ADAMTS3: variants seen among roughly 807,000 people sequenced by gnomAD.
The protein encoded by ADAMTS3 is A disintegrin and metalloproteinase with thrombospondin motifs 3.
A neutral mutation model predicts 129.0 loss-of-function variants in ADAMTS3; 73 were observed. The ratio of observed to expected loss-of-function variants is 0.57; its 90% CI spans 0.47 to 0.69. The LOEUF (loss-of-function observed/expected upper bound fraction) is 0.69. Among genes scored for constraint, ADAMTS3 ranks in the 30% least tolerant of loss-of-function variants. ADAMTS3 has a pLI of 0.00. For missense variants in ADAMTS3, 1,457 were observed against 1,514.5 expected (o/e 0.96, Z 0.63); for synonymous variants, 477 against 510.8 (o/e 0.93, Z 0.89).
At chr4:72,369,883 C>T (rs1489850591) in intron 4 of ADAMTS3, among the ~76,000 whole-genome samples, 1 of 151,580 alleles carries the variant, frequency 6.6e-6, no homozygotes, top group Non-Finnish European at 1.5e-5. Flanking sequence ...GGGGTATATG[C>T]ATATAAACCG....
chr4:72,301,545 T>C (rs1345510197), intron 17 of ADAMTS3, among the ~76,000 whole-genome samples: 1 of 152,068 alleles, frequency 6.6e-6, no homozygotes, highest in African/African-American at 2.4e-5. Context: ...TTGACTTAAG[T>C]ATAATATTTT....
At chr4:72,485,756 T>C (rs1719574119) in intron 3 of ADAMTS3, among the ~76,000 whole-genome samples, 1 of 152,164 alleles carries the variant, frequency 6.6e-6, no homozygotes, top group Non-Finnish European at 1.5e-5. Flanking sequence ...AATTCATACG[T>C]TGAAACCTAA....
Position 72,283,302 on chromosome 4 carries a change from G to A in ADAMTS3, c.3452C>T (p.Pro1151Leu), listed in dbSNP as rs1156555953. The A allele has an allele frequency of 1.2e-6, 2 of 1,613,946 alleles. No individual in the cohort carries two copies. The highest frequency in any genetic ancestry group is 1.1e-5 in the South Asian group (1 of 91,074). ...ACTGAGGTGGACCCTCTTGGTGGGT[G>A]GGGAGGATGGTACGGTGACCAGTCT... is the stretch of plus-strand genomic sequence containing the variant. ...TVRLVTVPSS[P>L]PTKRVHLSSA... Residue 1151 changes from proline to leucine, a missense_variant, in exon 22 of 22, where the codon CCA becomes CTA. By Grantham distance (98) the Pro-to-Leu change is moderately conservative. Transcript: ENST00000286657.
intron 3 of ADAMTS3, among the ~76,000 whole-genome samples, chr4:72,437,768 C>A (rs1457790763): frequency 1.3e-5 from 2 of 151,730 alleles, no homozygotes; most frequent in African/African-American, 4.8e-5. Flanking sequence ...AATTCAGACC[C>A]ATAAAGTAAA....
intron 10 of ADAMTS3, among the ~76,000 whole-genome samples, chr4:72,317,662 C>T (rs1439821239): frequency 6.6e-6 from 1 of 152,052 alleles, no homozygotes; most frequent in Non-Finnish European, 1.5e-5. Context: ...CAGATACATA[C>T]TATCATTATC....
At chr4:72,429,287 G>A (rs72852066) in intron 3 of ADAMTS3, among the ~76,000 whole-genome samples, 29 of 152,026 alleles carry the variant, frequency 1.9e-4, no homozygotes, top group African/African-American at 6.8e-4. Flanking sequence ...ATAGTCATCT[G>A]CTAAAGATAT....
chr4:72,355,878 C>G (rs1044113409), intron 4 of ADAMTS3, among the ~76,000 whole-genome samples: 4 of 152,026 alleles, frequency 2.6e-5, no homozygotes, highest in Non-Finnish European at 5.9e-5. Context: ...CATAGTACAG[C>G]TATACTCATA....
intron 4 of ADAMTS3, among the ~76,000 whole-genome samples, chr4:72,340,992 G>C (rs1720121994): frequency 6.6e-6 from 1 of 152,116 alleles, no homozygotes; most frequent in Non-Finnish European, 1.5e-5. Flanking sequence ...TTTATATGAT[G>C]GTTTATTTCA....
chr4:72,518,504 T>C (rs1720561140), intron 3 of ADAMTS3, among the ~76,000 whole-genome samples: 1 of 152,066 alleles, frequency 6.6e-6, no homozygotes, highest in African/African-American at 2.4e-5. Context: ...GGACTTGCTT[T>C]ATGAATCTGG....
intron 3 of ADAMTS3, among the ~76,000 whole-genome samples, chr4:72,483,776 T>C (rs1719504644): frequency 6.6e-6 from 1 of 152,186 alleles, no homozygotes; most frequent in South Asian, 2.1e-4. Context: ...TCCCAGCACT[T>C]TGGGAGGCTG....
At chr4:72,459,151 G>A (rs977233053) in intron 3 of ADAMTS3, among the ~76,000 whole-genome samples, 2 of 151,566 alleles carry the variant, frequency 1.3e-5, no homozygotes, top group African/African-American at 4.8e-5. Flanking sequence ...ATTAAGTTCT[G>A]TGTTAAGTGA....
intron 4 of ADAMTS3, among the ~76,000 whole-genome samples, chr4:72,370,849 C>T (rs1488920038): frequency 1.3e-5 from 2 of 152,120 alleles, no homozygotes; most frequent in Non-Finnish European, 2.9e-5. Flanking sequence ...CATGTGCCCC[C>T]TGAAAGATAA....
chr4:72,304,063 T>C lies in ADAMTS3; in HGVS notation c.2278A>G (p.Thr760Ala), dbSNP rs1327958019. 1.9e-6 allele frequency: 3 copies of C among 1,613,488 alleles called. No homozygotes were observed. The highest frequency in any genetic ancestry group is 1.1e-5 in the South Asian group (1 of 91,046). Residue 760 changes from threonine to alanine, a missense_variant, in exon 17 of 22, where the codon ACA becomes GCA. Transcript: ENST00000286657. ...PHILAIKNQATGHYILNGKGE... is the reference protein window; with the variant it reads ...PHILAIKNQAAGHYILNGKGE... Reference sequence around the variant, plus strand: ...TTGCCATTTAAAATATAATGGCCTGTAGCCTGGTTCTTAATAGCTAAAGGG... The same window carrying C: ...TTGCCATTTAAAATATAATGGCCTGCAGCCTGGTTCTTAATAGCTAAAGGG...
intron 4 of ADAMTS3, among the ~76,000 whole-genome samples, chr4:72,346,304 T>C (rs1051500138): frequency 4.6e-5 from 7 of 152,142 alleles, no homozygotes; most frequent in African/African-American, 1.4e-4. Flanking sequence ...TTGTACAGGT[T>C]ACCCACCTTG....
Position 72,319,930 on chromosome 4 carries a change from A to G in ADAMTS3, c.1136T>C (p.Val379Ala), listed in dbSNP as rs1450722683. The G allele has an allele frequency of 6.2e-7, 1 of 1,613,226 alleles. No homozygotes were observed. The highest frequency in any genetic ancestry group is 8.5e-7 in the Non-Finnish European group (1 of 1,179,258). ...CTCATGATTCAGGGTACAACTTCTC[A>G]CTGGATGACACATGCCGGTGACTGG... ...YAPVTGMCHP[V>A]RSCTLNHEDG... Residue 379 changes from valine to alanine, a missense_variant, in exon 8 of 22, where the codon GTG becomes GCG. Transcript: ENST00000286657.
At chr4:72,491,998 A>C (rs1398673052) in intron 3 of ADAMTS3, among the ~76,000 whole-genome samples, 1 of 151,670 alleles carries the variant, frequency 6.6e-6, no homozygotes, top group African/African-American at 2.4e-5. Context: ...GTAGTTTGAA[A>C]GTTTCTCAAA....
intron 6 of ADAMTS3, among the ~76,000 whole-genome samples, chr4:72,322,482 C>T (rs1408897259): frequency 6.6e-6 from 1 of 152,100 alleles, no homozygotes; most frequent in Non-Finnish European, 1.5e-5. Flanking sequence ...AAAATTAAAG[C>T]TCTTTTAAAT....
chr4:72,524,195 A>G (rs925239426), intron 3 of ADAMTS3, among the ~76,000 whole-genome samples: 2 of 152,268 alleles, frequency 1.3e-5, no homozygotes, highest in East Asian at 3.9e-4. Flanking sequence ...ACTAAAAAGG[A>G]GAGCCTTCAA....
intron 4 of ADAMTS3, 94 bp downstream of exon 4, chr4:72,414,721 A>G: frequency 1.0e-6 from 1 of 983,580 alleles, no homozygotes; most frequent in Non-Finnish European, 1.4e-6. Flanking sequence ...TATACAAGAG[A>G]ACATGGCAAT....
Sources: gnomAD v4.1 joint callset for allele counts (sites outside exome capture counted in the v4.1 genomes callset) on GRCh38, gnomAD v4.1.1 for gene constraint, MANE v1.5 for transcripts, NCBI Gene and HGNC (gene_info 2026-07-23, HGNC 2026-07-21) for gene names.